Variants in CCDC171 observed in about 807,000 individuals in gnomAD.
CCDC171 encodes the protein coiled-coil domain containing 171.
In CCDC171, 177 loss-of-function variants were observed where a neutral mutation model predicts 168.2. The ratio of observed to expected loss-of-function variants is 1.05; its 90% CI spans 0.93 to 1.19. CCDC171 has a LOEUF of 1.19. Ranked by LOEUF, CCDC171 falls within the 50% of genes most tolerant of loss-of-function variation. The probability of loss-of-function intolerance (pLI) is 0.00; values close to 1 mark genes in which losing one functional copy is unlikely to be tolerated. For missense variants in CCDC171, 1,991 were observed against 1,539.0 expected, an observed-to-expected ratio of 1.29 and a Z score of -4.91; for synonymous variants, 687 against 540.8, an observed-to-expected ratio of 1.27 and a Z score of -3.75.
intron 7 of CCDC171, among the ~76,000 whole-genome samples, chr9:15,651,731 C>T (rs2047540568): frequency 6.6e-6 from 1 of 151,952 alleles, no homozygotes; most frequent in Non-Finnish European, 1.5e-5. Context: ...ATATATAACC[C>T]ACTTTCTTTA....
chr9:15,581,569 A>T (rs1407260945), intron 4 of CCDC171, among the ~76,000 whole-genome samples: 4 of 152,168 alleles, frequency 2.6e-5, no homozygotes, highest in African/African-American at 9.7e-5. Context: ...CATGGTACTG[A>T]TACCAAAACA....
At chr9:15,837,749 G>A (rs1410131570) in intron 21 of CCDC171, among the ~76,000 whole-genome samples, 2 of 152,094 alleles carry the variant, frequency 1.3e-5, no homozygotes, top group Admixed American at 1.3e-4. Context: ...ATTAATACAA[G>A]TGAAGAGTGG....
chr9:16,066,996 C>G, the CCDC171 span, among the ~76,000 whole-genome samples: 1 of 151,986 alleles, frequency 6.6e-6, no homozygotes, highest in Non-Finnish European at 1.5e-5. Context: ...ATGGCTGGGT[C>G]AAATGGTATT....
intron 3 of CCDC171, among the ~76,000 whole-genome samples, chr9:15,988,589 G>A (rs558848261): frequency 6.6e-6 from 1 of 152,272 alleles, no homozygotes; most frequent in Non-Finnish European, 1.5e-5. Context: ...AGGACAGTGG[G>A]TGCAGCACAC....
intron 7 of CCDC171, among the ~76,000 whole-genome samples, chr9:15,637,523 G>C (rs1004937263): frequency 2.6e-5 from 4 of 151,048 alleles, no homozygotes; most frequent in Admixed American, 6.6e-5. Flanking sequence ...CAATATGCCG[G>C]TTAGTTACAT....
intron 8 of CCDC171, among the ~76,000 whole-genome samples, chr9:15,659,822 G>A (rs993416233): frequency 6.6e-6 from 1 of 152,086 alleles, no homozygotes; most frequent in Non-Finnish European, 1.5e-5. Flanking sequence ...AAAAGTTATT[G>A]CCTTGATTTA....
At chr9:15,686,371 A>G (rs183662800) in intron 10 of CCDC171, among the ~76,000 whole-genome samples, 5 of 152,174 alleles carry the variant, frequency 3.3e-5, no homozygotes, top group African/African-American at 1.2e-4. Context: ...GGTGCTAACA[A>G]TCTTGGTCAT....
At chr9:16,008,226 T>C (rs529300296) in intron 3 of CCDC171, among the ~76,000 whole-genome samples, 1 of 152,198 alleles carries the variant, frequency 6.6e-6, no homozygotes, top group Non-Finnish European at 1.5e-5. Context: ...ATTTAGGACT[T>C]TCATCTATTT....
intron 1 of CCDC171, among the ~76,000 whole-genome samples, chr9:16,043,442 G>C (rs1021717725): frequency 6.6e-6 from 1 of 152,066 alleles, no homozygotes; most frequent in Non-Finnish European, 1.5e-5. Flanking sequence ...AGAATCTTGG[G>C]GATGAGTACT....
At chr9:15,565,086 C>CT (rs34584445) in intron 2 of CCDC171, among the ~76,000 whole-genome samples, 7,608 of 119,798 alleles carry the variant, frequency 0.064, 340 homozygotes, top group African/African-American at 0.086. Context: ...CCACCCCCCA[C>CT]TTTTTTTTTT....
At position 15,706,336 on chromosome 9, in the gene CCDC171, C is replaced by T. The variant is rs532231341; in HGVS notation, c.1318+10999C>T. ...GCAGGATCTCACTCTGTTGGTTGGGCTGGAGTGCAGTGGTGCAGTCATGGC... is the reference window on the plus strand; with the variant it reads ...GCAGGATCTCACTCTGTTGGTTGGGTTGGAGTGCAGTGGTGCAGTCATGGC... On this transcript the variant is annotated intron_variant, in intron 11 of 25. Coordinates refer to ENST00000380701, the MANE Select transcript of CCDC171 (RefSeq NM_173550.4). 2.0e-5 allele frequency among the ~76,000 whole-genome samples: 3 copies of T among 151,798 alleles called. No homozygotes were observed. The East Asian group carries it at 5.8e-4, about 29-fold the overall frequency.
At chr9:15,571,486 C>T (rs1328589300) in intron 2 of CCDC171, 138 bp from the exon 3 acceptor site, 2 of 594,800 alleles carry the variant, frequency 3.4e-6, no homozygotes, top group Non-Finnish European at 2.8e-6. Context: ...ACATCTTTTA[C>T]TAGATTGTGA....
chr9:16,099,568 C>T, the CCDC171 span, among the ~76,000 whole-genome samples: 306 of 152,278 alleles, frequency 2.0e-3, 8 homozygotes, highest in East Asian at 0.047. Context: ...GCTTCCCTAG[C>T]GACTTCTGAA....
chr9:15,746,277 T>C (rs1044930307), intron 18 of CCDC171, among the ~76,000 whole-genome samples: 1 of 152,238 alleles, frequency 6.6e-6, no homozygotes, highest in African/African-American at 2.4e-5. Flanking sequence ...TTAAGATTTG[T>C]CTGTTTAATG....
chr9:16,031,406 G>A (rs560109637), intron 6 of CCDC171, among the ~76,000 whole-genome samples: 6 of 152,270 alleles, frequency 3.9e-5, no homozygotes, highest in African/African-American at 1.2e-4. Context: ...AACAACATGT[G>A]GTAAGTTGTA....
chr9:15,770,891 G>A (rs765018859), intron 18 of CCDC171, among the ~76,000 whole-genome samples: 9 of 152,060 alleles, frequency 5.9e-5, no homozygotes, highest in Non-Finnish European at 1.2e-4. Flanking sequence ...TGATCTCTAC[G>A]AGTATCCCAT....
At chr9:15,808,190 G>C (rs1388716461) in intron 21 of CCDC171, among the ~76,000 whole-genome samples, 1 of 152,096 alleles carries the variant, frequency 6.6e-6, no homozygotes, top group Admixed American at 6.6e-5. Context: ...GGCAGCTGGA[G>C]AGTAGAGAAG....
chr9:16,031,125 G>A (rs554328995), intron 6 of CCDC171, among the ~76,000 whole-genome samples: 108 of 152,228 alleles, frequency 7.1e-4, no homozygotes, highest in African/African-American at 2.4e-3. Flanking sequence ...CTTGAATGCT[G>A]GTTGGGGGCT....
At chr9:16,087,371 C>T in the CCDC171 span, among the ~76,000 whole-genome samples, 1 of 152,048 alleles carries the variant, frequency 6.6e-6, no homozygotes, top group Non-Finnish European at 1.5e-5. Context: ...GGCTAAGTCT[C>T]TTTGTAGGTC....
Sources: allele counts gnomAD v4.1 joint callset (sites outside exome capture counted in the v4.1 genomes callset), GRCh38; gene constraint gnomAD v4.1.1; transcripts MANE v1.5; gene names NCBI Gene and HGNC (gene_info 2026-07-23, HGNC 2026-07-21).